PDE8B: variants seen among roughly 807,000 people sequenced by gnomAD.
PDE8B encodes the protein high affinity cAMP-specific and IBMX-insensitive 3',5'-cyclic phosphodiesterase 8B.
In PDE8B, 26 loss-of-function variants were observed where a neutral mutation model predicts 101.3. The observed-to-expected ratio is 0.26, with a 90% CI of 0.19 to 0.36. The LOEUF (loss-of-function observed/expected upper bound fraction) is 0.36. Among genes scored for constraint, PDE8B ranks in the 10% least tolerant of loss-of-function variants. PDE8B has a pLI of 1.00. For synonymous variants in PDE8B, 424 were observed against 429.3 expected (o/e 0.99, Z 0.15); for missense variants, 810 against 1,163.1 (o/e 0.70, Z 4.42).
At chr5:77,189,204 T>G in the PDE8B span, among the ~76,000 whole-genome samples, 1 of 152,200 alleles carries the variant, frequency 6.6e-6, no homozygotes, top group East Asian at 1.9e-4. Flanking sequence ...CACTCTGACT[T>G]GTCATCCTTA....
chr5:77,097,720 T>TATATATATATATAC, the PDE8B span, among the ~76,000 whole-genome samples: 1 of 41,888 alleles, frequency 2.4e-5, no homozygotes, highest in Non-Finnish European at 7.0e-5. Flanking sequence ...TATATATATA[T>TATATATATATATAC]ATATATATAT....
intron 10 of PDE8B, among the ~76,000 whole-genome samples, chr5:77,384,888 A>C (rs1163423364): frequency 6.6e-6 from 1 of 152,160 alleles, no homozygotes; most frequent in Non-Finnish European, 1.5e-5. Flanking sequence ...TATTTTATTG[A>C]GGATTTTCGC....
At chr5:77,177,034 C>A in the PDE8B span, among the ~76,000 whole-genome samples, 1 of 151,906 alleles carries the variant, frequency 6.6e-6, no homozygotes, top group South Asian at 2.1e-4. Flanking sequence ...TCCTCCTGTC[C>A]CTTCTCTTTC....
chr5:77,235,353 C>T (rs1358514643), intron 1 of PDE8B, among the ~76,000 whole-genome samples: 1 of 152,180 alleles, frequency 6.6e-6, no homozygotes, highest in Non-Finnish European at 1.5e-5. Flanking sequence ...TGCTGTAAAA[C>T]GTCCAGCATT....
chr5:77,422,256 G>A (rs140647441), intron 20 of PDE8B, among the ~76,000 whole-genome samples: 1 of 152,276 alleles, frequency 6.6e-6, no homozygotes, highest in African/African-American at 2.4e-5. Context: ...GCTGGATCCA[G>A]AACTTGCACA....
chr5:77,334,834 C>T (rs1446851325), intron 5 of PDE8B, among the ~76,000 whole-genome samples: 1 of 152,180 alleles, frequency 6.6e-6, no homozygotes, highest in Non-Finnish European at 1.5e-5. Flanking sequence ...CACCACTGTA[C>T]CAAAAGCTAT....
the PDE8B span, among the ~76,000 whole-genome samples, chr5:77,097,732 T>TATATATATATATATATATATATAC: frequency 1.1e-4 from 7 of 65,238 alleles, no homozygotes; most frequent in African/African-American, 2.8e-4. Context: ...TATATATATA[T>TATATATATATATATATATATATAC]ACATACATAT....
intron 5 of PDE8B, among the ~76,000 whole-genome samples, chr5:77,336,386 G>T (rs1328538736): frequency 6.6e-6 from 1 of 152,044 alleles, no homozygotes; most frequent in East Asian, 1.9e-4. Context: ...GTCACTCCTA[G>T]TCCTCCTCCC....
At chr5:77,363,094 CTT>C (rs1438234974) in intron 10 of PDE8B, among the ~76,000 whole-genome samples, 1 of 152,194 alleles carries the variant, frequency 6.6e-6, no homozygotes, top group East Asian at 1.9e-4. Context: ...CGTGTTGACA[CTT>C]TGTATCTGTT....
chr5:77,214,631 G>A (rs1749248351), intron 1 of PDE8B, among the ~76,000 whole-genome samples: 1 of 152,172 alleles, frequency 6.6e-6, no homozygotes, highest in African/African-American at 2.4e-5. Context: ...AAAATAAATA[G>A]ATATTCCACT....
At chr5:77,379,086 C>T (rs1415580961) in intron 10 of PDE8B, among the ~76,000 whole-genome samples, 1 of 152,168 alleles carries the variant, frequency 6.6e-6, no homozygotes, top group African/African-American at 2.4e-5. Context: ...TAAACAATGA[C>T]AGTACTTCTC....
intron 10 of PDE8B, among the ~76,000 whole-genome samples, chr5:77,378,009 T>TCCACACAC (rs1213489921): frequency 7.4e-6 from 1 of 134,486 alleles, no homozygotes; most frequent in African/African-American, 3.0e-5. Flanking sequence ...CCTCTCTCTC[T>TCCACACAC]ACACACACAC....
chr5:77,177,796 C>T, the PDE8B span, among the ~76,000 whole-genome samples: 6 of 152,138 alleles, frequency 3.9e-5, no homozygotes, highest in Non-Finnish European at 7.3e-5. Flanking sequence ...GACAAAGGGA[C>T]GATTCACGTT....
the PDE8B span, chr5:77,098,668 G>A: frequency 1.3e-5 from 2 of 152,158 alleles, no homozygotes; most frequent in Non-Finnish European, 2.9e-5. Flanking sequence ...ACCAGAGACT[G>A]GGTAATTAAT....
In PDE8B at chr5:77,384,787, G is replaced by A. The variant is rs141608862; in HGVS notation, c.1168-15461G>A. Among the ~76,000 whole-genome samples the A allele has an allele frequency of 1.4e-3, 215 of 152,216 alleles. 1 individual carries two copies. Among genetic ancestry groups the A allele is most frequent in the South Asian group, 5.2e-3 (25 of 4,826 alleles). ...TGATGGGTCACAGTTATTAATTTGC[G>A]TATGTCTAACCAGCCATGCATCCCA... On this transcript the variant is annotated intron_variant, in intron 10 of 21. Coordinates refer to ENST00000264917, the MANE Select transcript of PDE8B (RefSeq NM_003719.5).
At chr5:77,190,873 T>G in the PDE8B span, among the ~76,000 whole-genome samples, 1 of 152,216 alleles carries the variant, frequency 6.6e-6, no homozygotes, top group Admixed American at 6.5e-5. Context: ...ATGGTGAATT[T>G]ATTATCTTAT....
chr5:77,394,691 A>C (rs1790641567), intron 10 of PDE8B, among the ~76,000 whole-genome samples: 1 of 152,232 alleles, frequency 6.6e-6, no homozygotes, highest in African/African-American at 2.4e-5. Flanking sequence ...AAAACATTTA[A>C]GGAAAAGAGA....
the PDE8B span, chr5:77,142,304 C>G: frequency 6.6e-6 from 1 of 152,130 alleles, no homozygotes. Context: ...CTCTTTTTTA[C>G]AACTTTATTG....
At chr5:77,416,447 T>TC (rs906012349) in intron 17 of PDE8B, among the ~76,000 whole-genome samples, 3 of 152,128 alleles carry the variant, frequency 2.0e-5, no homozygotes, top group Admixed American at 1.3e-4. Context: ...AGCTTGGAGA[T>TC]CGCTGAACGT....
Sources: gnomAD v4.1 joint callset for allele counts (sites outside exome capture counted in the v4.1 genomes callset) on GRCh38, gnomAD v4.1.1 for gene constraint, MANE v1.5 for transcripts, NCBI Gene and HGNC (gene_info 2026-07-23, HGNC 2026-07-21) for gene names.